Variants in ANKAR observed in about 807,000 individuals in gnomAD.
The protein encoded by ANKAR is ankyrin and armadillo repeat containing, also known as ankyrin and armadillo repeat-containing protein.
A neutral mutation model predicts 146.2 loss-of-function variants in ANKAR; 136 were observed. That is an observed-to-expected ratio of 0.93 (90% CI 0.81 to 1.07). ANKAR has a LOEUF of 1.07. ANKAR is among the 50% of genes least tolerant of loss of function. The pLI is 0.00. For missense variants in ANKAR, 1,567 were observed against 1,679.9 expected, an observed-to-expected ratio of 0.93 and a Z score of 1.18; for synonymous variants, 500 against 575.8, an observed-to-expected ratio of 0.87 and a Z score of 1.88.
Position 189,736,503 on chromosome 2 carries a change from TGTG to T in ANKAR, c.3424-1179_3424-1177del, listed in dbSNP as rs1559139161. On this transcript the variant is annotated intron_variant, in intron 17 of 22. Transcript: ENST00000684021. ...TTTGCCTATTTAGGTGACTGGGTTT[TGTG>T]TGTGTGTGTGTGTGTGTGTGTGTGT... Among the ~76,000 whole-genome samples the T allele has an allele frequency of 4.5e-5, 6 of 134,394 alleles. 1 individual carries two copies. The highest frequency in any genetic ancestry group is 1.2e-4 in the African/African-American group (4 of 33,252). 88.2% of individuals were successfully genotyped at this position (134,394 alleles called of 152,430 possible). A position where few individuals can be genotyped will look rare whatever the true frequency, so the allele number is the denominator to read the frequency against.
At chr2:189,760,429 C>G (rs1165270464) in intron 18 of ANKAR, among the ~76,000 whole-genome samples, 1 of 152,166 alleles carries the variant, frequency 6.6e-6, no homozygotes, top group South Asian at 2.1e-4. Flanking sequence ...GGGCGCCCCC[C>G]ACCTCCCAAG....
At chr2:189,762,022 AAAC>A (rs559719480), downstream of ANKAR, among the ~76,000 whole-genome samples, 23 of 152,330 alleles carry the variant, frequency 1.5e-4, no homozygotes, top group East Asian at 3.1e-3. Flanking sequence ...AAAAAGAATC[AAAC>A]AACAAAGGCA....
At chr2:189,686,907 A>G (rs1014746774) in intron 2 of ANKAR, among the ~76,000 whole-genome samples, 3 of 152,338 alleles carry the variant, frequency 2.0e-5, no homozygotes, top group Middle Eastern at 3.4e-3. Context: ...ACAATGCCTA[A>G]TAATCACATC....
chr2:189,711,133 G>A lies in ANKAR; in HGVS notation c.2204G>A (p.Trp735Ter), dbSNP rs2039631669. 2.5e-6 allele frequency: 4 copies of A among 1,613,016 alleles called. No homozygotes were observed. The highest frequency in any genetic ancestry group is 2.2e-5 in the East Asian group (1 of 44,818). ...EVICLANDQY[W>*]RCILDAGTIP... ...ATTTGCTTAGCAAATGATCAATACT[G>A]GAGATGTATTTTGGATGCAGGTGAT... Residue 735 changes from tryptophan to a stop codon, truncating the protein, a stop_gained, in exon 10 of 23, where the codon TGG becomes TAG. Transcript: ENST00000684021. LOFTEE classifies it high-confidence loss of function.
intron 2 of ANKAR, among the ~76,000 whole-genome samples, chr2:189,688,888 A>T (rs1334511292): frequency 6.6e-6 from 1 of 152,178 alleles, no homozygotes; most frequent in East Asian, 1.9e-4. Flanking sequence ...CGTGGTCAGT[A>T]GTCTTATGAG....
At chr2:189,714,729 G>A (rs1193939839) in intron 10 of ANKAR, among the ~76,000 whole-genome samples, 4 of 151,922 alleles carry the variant, frequency 2.6e-5, no homozygotes, top group East Asian at 1.9e-4. Flanking sequence ...GGCGGATCAC[G>A]AGGTCAGGAG....
At chr2:189,708,508 A>G (rs1175388934) in intron 9 of ANKAR, among the ~76,000 whole-genome samples, 2 of 152,216 alleles carry the variant, frequency 1.3e-5, no homozygotes, top group Non-Finnish European at 2.9e-5. Context: ...CACTTTTAGT[A>G]CAGTATTCAA....
rs570285470 is a variant in ANKAR at position 189,703,111 on chromosome 2, G to A, written c.1709-1912G>A. 2.2e-4 allele frequency among the ~76,000 whole-genome samples: 33 copies of A among 152,302 alleles called. 1 individual carries two copies. Among genetic ancestry groups the A allele is most frequent in the Non-Finnish European group, 3.7e-4 (25 of 68,028 alleles). Reference sequence around the variant, plus strand: ...AGAACAAGGTATGAATGGTTTTATTGGGAGGTAGATGAAGAAGGTAGTTGT... The same window carrying A: ...AGAACAAGGTATGAATGGTTTTATTAGGAGGTAGATGAAGAAGGTAGTTGT... On this transcript the variant is annotated intron_variant, in intron 7 of 22. Transcript: ENST00000684021.
intron 18 of ANKAR, among the ~76,000 whole-genome samples, chr2:189,758,692 T>C (rs1041862639): frequency 1.3e-5 from 2 of 152,260 alleles, no homozygotes; most frequent in Non-Finnish European, 2.9e-5. Context: ...ACCTGTGATG[T>C]GTCAAACATT....
At chr2:189,731,376 CTTTTTT>C (rs71023714) in intron 16 of ANKAR, among the ~76,000 whole-genome samples, 10 of 137,390 alleles carry the variant, frequency 7.3e-5, no homozygotes, top group East Asian at 2.1e-4. Context: ...TTTCTTTTTT[CTTTTTT>C]TTTTTTTTTG....
intron 8 of ANKAR, among the ~76,000 whole-genome samples, chr2:189,706,159 G>A (rs766036457): frequency 8.6e-5 from 13 of 151,928 alleles, no homozygotes; most frequent in Non-Finnish European, 1.8e-4. Flanking sequence ...ACTTTGGGAG[G>A]CCAAGGCAGG....
Position 189,728,724 on chromosome 2 carries a change from G to T in ANKAR, c.3096G>T (p.Gly1032=), listed in dbSNP as rs2042121790. The stretch of plus-strand genomic sequence containing the variant: ...TGCATCAAAATCAAATATGTGAAGG[G>T]AATGGAATTGCACCATTGGTTCGCT... The part of the protein sequence containing the change: ...SRMHQNQICE[G]NGIAPLVRLL... Residue 1032 remains glycine, a synonymous_variant, in exon 15 of 23, where the codon GGG becomes GGT. Transcript: ENST00000684021. The T allele has an allele frequency of 1.2e-6, 2 of 1,613,944 alleles. No individual in the cohort carries two copies. The highest frequency in any genetic ancestry group is 1.7e-6 in the Non-Finnish European group (2 of 1,179,968).
At chr2:189,736,734 C>T (rs1015211104) in intron 17 of ANKAR, among the ~76,000 whole-genome samples, 3 of 151,690 alleles carry the variant, frequency 2.0e-5, no homozygotes, top group African/African-American at 7.3e-5. Flanking sequence ...ATAAATATTT[C>T]AGTATGTACA....
chr2:189,703,662 A>T (rs2038412209), intron 7 of ANKAR, among the ~76,000 whole-genome samples: 1 of 151,834 alleles, frequency 6.6e-6, no homozygotes, highest in Admixed American at 6.6e-5. Context: ...GCCACTAAGA[A>T]GAGAAAAAGG....
At chr2:189,761,029 A>ATTAT (rs10668312) in intron 18 of ANKAR, 151,841 of 154,676 alleles carry the variant, frequency 0.98, 74,589 homozygotes, top group East Asian at 1. Flanking sequence ...ACAGTGTATT[A>ATTAT]TTATTTAAGT....
chr2:189,714,723 G>A (rs931690039), intron 10 of ANKAR, among the ~76,000 whole-genome samples: 1 of 151,746 alleles, frequency 6.6e-6, no homozygotes, highest in Admixed American at 6.6e-5. Context: ...GAGGCGGGCG[G>A]ATCACGAGGT....
At chr2:189,697,873 T>C (rs2037456567) in intron 7 of ANKAR, among the ~76,000 whole-genome samples, 1 of 117,388 alleles carries the variant, frequency 8.5e-6, no homozygotes, top group Non-Finnish European at 1.7e-5. Context: ...GGGGCAGAGT[T>C]TCCAGGTCTG....
At chr2:189,714,098 C>G (rs1388306488) in intron 10 of ANKAR, among the ~76,000 whole-genome samples, 2 of 152,118 alleles carry the variant, frequency 1.3e-5, no homozygotes, top group Non-Finnish European at 2.9e-5. Flanking sequence ...ACTGGAGCAC[C>G]TAGATTCATA....
intron 18 of ANKAR, 61 bp from the exon 19 acceptor site, chr2:189,738,504 T>G: frequency 9.2e-6 from 9 of 978,886 alleles, no homozygotes; most frequent in African/African-American, 1.7e-5. Flanking sequence ...ATGACAAACG[T>G]GTAATTAGAG....
Sources: allele counts gnomAD v4.1 joint callset (sites outside exome capture counted in the v4.1 genomes callset), GRCh38; gene constraint gnomAD v4.1.1; transcripts MANE v1.5; gene names NCBI Gene and HGNC (gene_info 2026-07-23, HGNC 2026-07-21).